The following LRP1B variants were observed in gnomAD, a reference collection of about 807,000 sequenced individuals.
LRP1B encodes the protein low-density lipoprotein receptor-related protein 1B.
In LRP1B, 217 loss-of-function variants were observed where a neutral mutation model predicts 556.6. The observed-to-expected ratio is 0.39, with a 90% confidence interval of 0.35 to 0.44. The LOEUF is 0.44. Among genes scored for constraint, LRP1B ranks in the 20% least tolerant of loss-of-function variants. The pLI is 1.00. For synonymous variants in LRP1B, 2,047 were observed against 1,865.8 expected, an observed-to-expected ratio of 1.10 and a Z score of -2.50; for missense variants, 5,053 against 5,620.8, an observed-to-expected ratio of 0.90 and a Z score of 3.23.
At chr2:140,420,577 T>C (rs1056779333) in intron 66 of LRP1B, among the ~76,000 whole-genome samples, 1 of 152,224 alleles carries the variant, frequency 6.6e-6, no homozygotes, top group Non-Finnish European at 1.5e-5. Flanking sequence ...GCAGTTTGAT[T>C]TGCAATATTC....
At chr2:141,087,894 C>A (rs3856357) in intron 7 of LRP1B, among the ~76,000 whole-genome samples, 150,324 of 152,144 alleles carry the variant, frequency 0.99, 74,289 homozygotes, top group Middle Eastern at 1. Flanking sequence ...CATTTGTTGT[C>A]TCAAGCTTTT....
At chr2:140,580,693 A>G (rs555675765) in intron 43 of LRP1B, among the ~76,000 whole-genome samples, 1 of 152,348 alleles carries the variant, frequency 6.6e-6, no homozygotes, top group Admixed American at 6.5e-5. Context: ...AATGAAAAAG[A>G]AAAACTACAG....
chr2:141,074,005 C>A (rs1699714854), intron 7 of LRP1B, among the ~76,000 whole-genome samples: 1 of 151,988 alleles, frequency 6.6e-6, no homozygotes, highest in Non-Finnish European at 1.5e-5. Context: ...GTGTTATAAA[C>A]CTTCCTATAG....
intron 2 of LRP1B, among the ~76,000 whole-genome samples, chr2:141,669,856 G>A (rs1190374706): frequency 6.6e-6 from 1 of 152,100 alleles, no homozygotes; most frequent in Non-Finnish European, 1.5e-5. Flanking sequence ...CCAGACTCAA[G>A]CGATTCTCTT....
chr2:141,342,108 G>A (rs1201736180), intron 3 of LRP1B, among the ~76,000 whole-genome samples: 1 of 151,462 alleles, frequency 6.6e-6, no homozygotes, highest in Non-Finnish European at 1.5e-5. Flanking sequence ...GCCAGGAGTG[G>A]TGGTGGGCGC....
intron 7 of LRP1B, among the ~76,000 whole-genome samples, chr2:141,065,844 C>A (rs1699466543): frequency 6.6e-6 from 1 of 151,842 alleles, no homozygotes. Flanking sequence ...CTCCCCGCAC[C>A]AGGAACCAAG....
At chr2:140,863,166 A>G (rs2105144670) in intron 27 of LRP1B, among the ~76,000 whole-genome samples, 1 of 152,264 alleles carries the variant, frequency 6.6e-6, no homozygotes, top group East Asian at 1.9e-4. Flanking sequence ...GTGTATATAT[A>G]TATATGTGTT....
At chr2:141,706,841 T>C (rs990329864) in intron 2 of LRP1B, among the ~76,000 whole-genome samples, 1 of 152,104 alleles carries the variant, frequency 6.6e-6, no homozygotes, top group Admixed American at 6.6e-5. Context: ...TAATATTTAG[T>C]TCTAATTACT....
chr2:141,973,393 T>C (rs1414476932), intron 1 of LRP1B, among the ~76,000 whole-genome samples: 6 of 151,802 alleles, frequency 4.0e-5, no homozygotes. Context: ...TTTTTAGGAT[T>C]TGATTTTTGT....
At chr2:141,561,499 T>A (rs1396762382) in intron 2 of LRP1B, among the ~76,000 whole-genome samples, 1 of 151,844 alleles carries the variant, frequency 6.6e-6, no homozygotes, top group Non-Finnish European at 1.5e-5. Flanking sequence ...AAACATCCTG[T>A]CTCTGTGAAT....
At chr2:140,431,225 AAC>A in intron 66 of LRP1B, among the ~76,000 whole-genome samples, 1 of 152,232 alleles carries the variant, frequency 6.6e-6, no homozygotes, top group East Asian at 1.9e-4. Context: ...ATGTTTTAAA[AAC>A]ACACCTCCCC....
chr2:140,938,397 T>C (rs1048980290), intron 20 of LRP1B, among the ~76,000 whole-genome samples: 1 of 152,076 alleles, frequency 6.6e-6, no homozygotes, highest in African/African-American at 2.4e-5. Context: ...TGTAACTATT[T>C]AATATAAGGG....
chr2:140,643,252 C>A (rs1213426306), intron 41 of LRP1B, among the ~76,000 whole-genome samples: 1 of 151,946 alleles, frequency 6.6e-6, no homozygotes, highest in African/African-American at 2.4e-5. Flanking sequence ...TAAACTTTTT[C>A]CTCTTTGAGT....
chr2:142,035,680 C>T (rs144497902), intron 1 of LRP1B, among the ~76,000 whole-genome samples: 8 of 151,688 alleles, frequency 5.3e-5, no homozygotes, highest in Non-Finnish European at 1.0e-4. Flanking sequence ...TGGATTTTGT[C>T]TTTCAAATTT....
At chr2:141,294,613 G>A (rs1054965821) in intron 3 of LRP1B, among the ~76,000 whole-genome samples, 4 of 151,564 alleles carry the variant, frequency 2.6e-5, no homozygotes, top group Non-Finnish European at 5.9e-5. Flanking sequence ...CATGGCATGT[G>A]CCTGTAGTCC....
chr2:142,045,032 AC>A (rs1704205018), intron 1 of LRP1B, among the ~76,000 whole-genome samples: 1 of 151,744 alleles, frequency 6.6e-6, no homozygotes, highest in African/African-American at 2.4e-5. Context: ...TTTAAATGTA[AC>A]TTCCTTTTTG....
At chr2:140,845,473 C>A (rs1345659445) in intron 29 of LRP1B, among the ~76,000 whole-genome samples, 1 of 151,938 alleles carries the variant, frequency 6.6e-6, no homozygotes, top group Non-Finnish European at 1.5e-5. Context: ...TCACACTTCC[C>A]ATTAAGTTCA....
intron 7 of LRP1B, among the ~76,000 whole-genome samples, chr2:141,138,177 C>A (rs1458330516): frequency 6.6e-6 from 1 of 151,900 alleles, no homozygotes; most frequent in Non-Finnish European, 1.5e-5. Context: ...CAAATTAAAT[C>A]ATCTCAATAG....
chr2:140,642,266 G>T (rs1684323070), intron 41 of LRP1B, among the ~76,000 whole-genome samples: 1 of 152,172 alleles, frequency 6.6e-6, no homozygotes. Context: ...CTTAGCCTGT[G>T]CCGAGGAGCT....
Sources: allele counts gnomAD v4.1 joint callset (sites outside exome capture counted in the v4.1 genomes callset), GRCh38; gene constraint gnomAD v4.1.1; transcripts MANE v1.5; gene names NCBI Gene and HGNC (gene_info 2026-07-23, HGNC 2026-07-21).